Variants in GPR17 observed in about 807,000 individuals in gnomAD.
The protein encoded by GPR17 is G protein-coupled receptor 17.
Under a neutral mutation model 1.5 loss-of-function variants are expected in GPR17, and 4 were observed. That is an observed-to-expected ratio of 2.73 (90% CI 1.35 to 6.25). The LOEUF is 6.25. Among genes scored for constraint, GPR17 ranks in the 30% most tolerant of loss-of-function variants. The pLI, the probability that GPR17 is intolerant of heterozygous loss-of-function variation, is 0.00. For synonymous variants in GPR17, 209 were observed against 207.6 expected, an observed-to-expected ratio of 1.01 and a Z score of -0.06; for missense variants, 463 against 462.1, an observed-to-expected ratio of 1.00 and a Z score of -0.02.
At position 127,650,946 on chromosome 2, in the gene GPR17, A is replaced by T; in HGVS notation, c.211A>T (p.Met71Leu). The change falls in exon 2 of 2, where the codon ATG becomes TTG. Residue 71 changes from methionine to leucine, a missense_variant. By Grantham distance (15) the Met-to-Leu change is conservative. Transcript: ENST00000486700. ...CGGGACCCCGGCCAACGTGTTCCTG[A>T]TGCATCTGGCCGTGGCCGACTTGTC... is the stretch of plus-strand genomic sequence containing the variant. ...KSGTPANVFL[M>L]HLAVADLSCV... The T allele has an allele frequency of 6.2e-7, 1 of 1,613,876 alleles. No homozygotes were observed. Among genetic ancestry groups the T allele is most frequent in the Non-Finnish European group, 8.5e-7 (1 of 1,180,024 alleles).
intron 1 of GPR17, chr2:127,650,141 C>T (rs1683578684): frequency 1.4e-6 from 2 of 1,408,532 alleles, no homozygotes; most frequent in Non-Finnish European, 2.0e-6. Flanking sequence ...TGGGGGCACC[C>T]TCCTAAGTGC....
In GPR17 at chr2:127,647,514, AG is replaced by A. The variant is rs1297391202; in HGVS notation, c.-21+1271del. On this transcript the variant is annotated intron_variant, in intron 1 of 1. Transcript: ENST00000486700. The surrounding 1 kb of genome is among the most constrained non-coding windows in gnomAD (Gnocchi z 4.3). The stretch of plus-strand genomic sequence containing the variant: ...GGCAGAGTGGTCAGTCGTACCTATG[AG>A]CTGCTCTCTCGTGGGGCCAGGTGAT... Among the ~76,000 whole-genome samples the A allele has an allele frequency of 1.2e-4, 19 of 152,128 alleles. No homozygotes were observed. The highest frequency in any genetic ancestry group is 4.6e-4 in the African/African-American group (19 of 41,424).
intron 1 of GPR17, among the ~76,000 whole-genome samples, chr2:127,649,165 TAGGA>T (rs376330379): frequency 0.043 from 5,742 of 134,274 alleles, 146 homozygotes; most frequent in Non-Finnish European, 0.058. Flanking sequence ...GAGAGGAAGG[TAGGA>T]AGGAAGGAAG....
chr2:127,651,127 T>A lies in GPR17; in HGVS notation c.392T>A (p.Leu131Gln). Residue 131 changes from leucine to glutamine, a missense_variant, in exon 2 of 2, where the codon CTG becomes CAG. Leu to Gln is a moderately radical substitution (Grantham distance 113). Transcript: ENST00000486700. Reference protein sequence around the residue: ...FLTCISADRFLAIVHPVKSLK... With the variant: ...FLTCISADRFQAIVHPVKSLK... ...ACCTGCATCAGCGCCGACCGTTTCC[T>A]GGCCATTGTGCACCCGGTCAAGTCC... 6.2e-7 allele frequency: 1 copy of A among 1,613,520 alleles called. No homozygotes were observed.
At chr2:127,649,374 G>T (rs1202373997) in intron 1 of GPR17, among the ~76,000 whole-genome samples, 1 of 152,214 alleles carries the variant, frequency 6.6e-6, no homozygotes, top group Non-Finnish European at 1.5e-5. Context: ...CTTCTCTTAT[G>T]CAAACCTCTC....
chr2:127,648,523 T>C (rs1683244007), intron 1 of GPR17, among the ~76,000 whole-genome samples: 1 of 152,110 alleles, frequency 6.6e-6, no homozygotes, highest in Non-Finnish European at 1.5e-5. Context: ...AGCCTCCTCC[T>C]CGAGGGGCTG....
Position 127,647,507 on chromosome 2 carries a change from A to C in GPR17, c.-21+1263A>C, listed in dbSNP as rs1028952498. ...CATGCCAGGCAGAGTGGTCAGTCGT[A>C]CCTATGAGCTGCTCTCTCGTGGGGC... On this transcript the variant is annotated intron_variant, in intron 1 of 1. Coordinates refer to ENST00000486700, the MANE Select transcript of GPR17 (RefSeq NM_001161417.2). This position sits in a 1 kb window ranked among gnomAD's most constrained non-coding sequence, Gnocchi z 4.3. 1.2e-4 allele frequency among the ~76,000 whole-genome samples: 19 copies of C among 152,112 alleles called. No individual in the cohort carries two copies. The highest frequency in any genetic ancestry group is 4.6e-4 in the African/African-American group (19 of 41,426).
In GPR17 at chr2:127,651,141, C is replaced by A; in HGVS notation, c.406C>A (p.Pro136Thr). ...CGACCGTTTCCTGGCCATTGTGCAC[C>A]CGGTCAAGTCCCTCAAGCTCCGCAG... ...SADRFLAIVH[P>T]VKSLKLRRPL... Residue 136 changes from proline to threonine, a missense_variant, in exon 2 of 2, where the codon CCG (proline) becomes ACG (threonine). Pro to Thr is a conservative substitution (Grantham distance 38, BLOSUM62 -1). Coordinates refer to ENST00000486700, the MANE Select transcript of GPR17 (RefSeq NM_001161417.2). 6.2e-7 allele frequency: 1 copy of A among 1,613,286 alleles called. No individual in the cohort carries two copies. Among genetic ancestry groups the A allele is most frequent in the South Asian group, 1.1e-5 (1 of 91,068 alleles).
At chr2:127,650,436 C>T in intron 1 of GPR17, 3 of 548,638 alleles carry the variant, frequency 5.5e-6, no homozygotes, top group South Asian at 2.4e-5. Flanking sequence ...GTCCTCCCAG[C>T]TCTGAGGAGC....
Position 127,650,813 on chromosome 2 carries a change from G to A in GPR17, c.78G>A (p.Glu26=). The A allele has an allele frequency of 1.2e-6, 2 of 1,613,926 alleles. No individual in the cohort carries two copies. The highest frequency in any genetic ancestry group is 1.7e-6 in the Non-Finnish European group (2 of 1,179,820). Residue 26 remains glutamate (E), a synonymous_variant, in exon 2 of 2, where the codon GAG becomes GAA. Transcript: ENST00000486700. ...SLATAEQCGQ[E]TPLENMLFAS... is the part of the protein sequence containing the mutation. ...CCACGGCAGAGCAATGTGGCCAGGA[G>A]ACGCCACTGGAGAACATGCTGTTCG...
rs1215883680 is a variant in GPR17, at chr2:127,651,840, TC to T, written c.*89del. 2 of 1,307,950 alleles carry T rather than the reference TC, an allele frequency of 1.5e-6. No homozygotes were observed. Among genetic ancestry groups the T allele is most frequent in the Non-Finnish European group, 2.1e-6 (2 of 938,862 alleles). 81.0% of individuals were successfully genotyped at this position (1,307,950 alleles called of 1,614,324 possible). ...GGCATCTGCCCTTTCCCCAGCCACC[TC>T]CCCAGCAAGCAACCTGAAATCTCAG... On this transcript the variant is annotated 3_prime_UTR_variant, in exon 2 of 2. Transcript: ENST00000486700.
Position 127,651,349 on chromosome 2 carries a change from T to A in GPR17, c.614T>A (p.Phe205Tyr). Reference sequence around the variant, plus strand: ...CTGGCAGTGGCCTTCACCTTCCCGTTCATCACCACGGTCACCTGCTACCTG... The same window carrying A: ...CTGGCAGTGGCCTTCACCTTCCCGTACATCACCACGGTCACCTGCTACCTG... ...VSLAVAFTFPFITTVTCYLLI... is the reference protein window; with the variant it reads ...VSLAVAFTFPYITTVTCYLLI... Residue 205 changes from phenylalanine to tyrosine, a missense_variant, in exon 2 of 2, where the codon TTC becomes TAC. Coordinates refer to ENST00000486700, the MANE Select transcript of GPR17 (RefSeq NM_001161417.2). 1 of 1,612,042 alleles carries A rather than the reference T, an allele frequency of 6.2e-7. No homozygotes were observed. The highest frequency in any genetic ancestry group is 8.5e-7 in the Non-Finnish European group (1 of 1,180,038).
Position 127,651,435 on chromosome 2 carries a change from G to C in GPR17, c.700G>C (p.Val234Leu). The C allele has an allele frequency of 6.2e-7, 1 of 1,612,916 alleles. No individual in the cohort carries two copies. The highest frequency in any genetic ancestry group is 1.1e-5 in the South Asian group (1 of 91,090). ...GGAGAAGCGCCTCAAGACCAAGGCA[G>C]TGCGCATGATCGCCATAGTGCTGGC... ...RVEKRLKTKA[V>L]RMIAIVLAIF... Residue 234 changes from valine to leucine, a missense_variant, in exon 2 of 2, where the codon GTG becomes CTG. Val to Leu is a conservative substitution (Grantham distance 32, BLOSUM62 1). Transcript: ENST00000486700.
chr2:127,650,442 G>A lies in GPR17; in HGVS notation c.-20-274G>A, dbSNP rs148651223. 1.5e-3 allele frequency: 813 copies of A among 547,100 alleles called. 7 individuals carry two copies. The highest frequency in any genetic ancestry group is 0.014 in the African/African-American group (721 of 53,186). The allele number at this position is 547,100 out of a possible 1,614,324, so 33.9% of individuals were successfully genotyped here. On this transcript the variant is annotated intron_variant, in intron 1 of 1. Coordinates refer to ENST00000486700, the MANE Select transcript of GPR17 (RefSeq NM_001161417.2). ...ACTGACCCGGTCCTCCCAGCTCTGAGGAGCCTCAGATCTCCTGGGTGGCAG... is the reference window on the plus strand; with the variant it reads ...ACTGACCCGGTCCTCCCAGCTCTGAAGAGCCTCAGATCTCCTGGGTGGCAG...
rs1309616329 is a variant in GPR17 at position 127,647,812 on chromosome 2, G to A, written c.-21+1568G>A. On this transcript the variant is annotated intron_variant, in intron 1 of 1. Coordinates refer to ENST00000486700, the MANE Select transcript of GPR17 (RefSeq NM_001161417.2). This position sits in a 1 kb window ranked among gnomAD's most constrained non-coding sequence, Gnocchi z 4.3. ...GGAGCCCTGTTCCTCCAGTCTCCGGGTCCTCACCCCCAGCACATGCAACAC... is the reference window on the plus strand; with the variant it reads ...GGAGCCCTGTTCCTCCAGTCTCCGGATCCTCACCCCCAGCACATGCAACAC... Among the ~76,000 whole-genome samples the A allele has an allele frequency of 2.6e-5, 4 of 151,904 alleles. No homozygotes were observed. Among genetic ancestry groups the A allele is most frequent in the African/African-American group, 7.3e-5 (3 of 41,330 alleles).
At chr2:127,649,621 A>G (rs1683490933) in intron 1 of GPR17, among the ~76,000 whole-genome samples, 1 of 152,240 alleles carries the variant, frequency 6.6e-6, no homozygotes, top group Non-Finnish European at 1.5e-5. Context: ...TTGGGGAGGC[A>G]GAGTGTTTGG....
rs1683116638 is a variant in GPR17, at chr2:127,647,467, C to G, written c.-21+1223C>G. Among the ~76,000 whole-genome samples, 2 of 152,204 alleles carry G rather than the reference C, an allele frequency of 1.3e-5. No individual in the cohort carries two copies. The highest frequency in any genetic ancestry group is 2.9e-5 in the Non-Finnish European group (2 of 68,026). ...GGGCTAAAACTGGTTTGAGCCAGCA[C>G]AGGCAGGCCCCCACCATGCCAGGCA... On this transcript the variant is annotated intron_variant, in intron 1 of 1. Coordinates refer to ENST00000486700, the MANE Select transcript of GPR17 (RefSeq NM_001161417.2). This position sits in a 1 kb window ranked among gnomAD's most constrained non-coding sequence, Gnocchi z 4.3.
At chr2:127,648,231 G>T (rs924210095) in intron 1 of GPR17, 1 of 983,906 alleles carries the variant, frequency 1.0e-6, no homozygotes, top group Non-Finnish European at 1.2e-6. Flanking sequence ...AACCATCTCT[G>T]GTGTTAGAAC....
Position 127,651,469 on chromosome 2 carries a change from T to C in GPR17, c.734T>C (p.Leu245Pro). The change falls in exon 2 of 2, where the codon CTG (leucine) becomes CCG (proline). Residue 245 changes from leucine to proline, a missense_variant. By Grantham distance (98) the Leu-to-Pro change is moderately conservative. Transcript: ENST00000486700. ...RMIAIVLAIF[L>P]VCFVPYHVNR... is the part of the protein sequence containing the mutation. ...ATCGCCATAGTGCTGGCCATCTTCC[T>C]GGTCTGCTTCGTGCCCTACCACGTC... 1 of 1,612,940 alleles carries C rather than the reference T, an allele frequency of 6.2e-7. No individual in the cohort carries two copies. Among genetic ancestry groups the C allele is most frequent in the Admixed American group, 1.7e-5 (1 of 60,028 alleles).
Sources: gnomAD v4.1 joint callset for allele counts (sites outside exome capture counted in the v4.1 genomes callset) on GRCh38, gnomAD v4.1.1 for gene constraint, Gnocchi (gnomAD v3.1) non-coding constraint, MANE v1.5 for transcripts, NCBI Gene and HGNC (gene_info 2026-07-23, HGNC 2026-07-21) for gene names.